Variants in SGCD observed in about 807,000 individuals in gnomAD.
The protein encoded by SGCD is delta-sarcoglycan.
SGCD carries 18 observed loss-of-function variants against 36.6 expected under a neutral mutation model. The observed-to-expected ratio is 0.49, with a 90% CI of 0.34 to 0.73. The LOEUF (loss-of-function observed/expected upper bound fraction) is 0.73, where lower values mean the gene tolerates loss of function less well. Among genes scored for constraint, SGCD ranks in the 30% least tolerant of loss-of-function variants. SGCD has a pLI of 0.01. For synonymous variants in SGCD, 133 were observed against 130.6 expected (o/e 1.02, Z -0.12); for missense variants, 387 against 346.7 (o/e 1.12, Z -0.92).
intron 3 of SGCD, among the ~76,000 whole-genome samples, chr5:156,477,177 T>C (rs13167045): frequency 6.6e-6 from 1 of 152,206 alleles, no homozygotes; most frequent in Admixed American, 6.5e-5. Context: ...CCTTTAGTAT[T>C]GTCGAGCCCC....
At chr5:156,001,087 T>C (rs765526547) in intron 1 of SGCD, among the ~76,000 whole-genome samples, 1 of 152,150 alleles carries the variant, frequency 6.6e-6, no homozygotes, top group Non-Finnish European at 1.5e-5. Flanking sequence ...CTTTGTGGGG[T>C]TGACTTCTGG....
intron 3 of SGCD, among the ~76,000 whole-genome samples, chr5:156,475,754 C>T (rs1015235908): frequency 6.6e-6 from 1 of 152,130 alleles, no homozygotes; most frequent in Non-Finnish European, 1.5e-5. Flanking sequence ...TGGTTTCAGG[C>T]CCCCCAACTC....
intron 7 of SGCD, among the ~76,000 whole-genome samples, chr5:156,727,436 C>T (rs1755834820): frequency 6.6e-6 from 1 of 152,190 alleles, no homozygotes; most frequent in Admixed American, 6.5e-5. Flanking sequence ...TGTCAATGGA[C>T]AGCCAGTGTT....
At chr5:155,757,840 A>C in the SGCD span, among the ~76,000 whole-genome samples, 2 of 152,140 alleles carry the variant, frequency 1.3e-5, no homozygotes, top group African/African-American at 4.8e-5. Context: ...CATGGAAGGT[A>C]ATTGAATCAT....
chr5:156,581,877 C>A (rs189099243), intron 4 of SGCD, among the ~76,000 whole-genome samples: 1 of 152,164 alleles, frequency 6.6e-6, no homozygotes, highest in African/African-American at 2.4e-5. Flanking sequence ...CCTGTGCTTC[C>A]CTGGTGAGGC....
intron 3 of SGCD, among the ~76,000 whole-genome samples, chr5:156,346,790 AT>A (rs869028767): frequency 2.2e-5 from 3 of 139,484 alleles, no homozygotes; most frequent in African/African-American, 5.1e-5. Flanking sequence ...TTATTTTTTT[AT>A]TTTTTTTATT....
intron 3 of SGCD, among the ~76,000 whole-genome samples, chr5:156,486,733 C>G (rs961100552): frequency 1.3e-5 from 2 of 152,178 alleles, no homozygotes; most frequent in Admixed American, 1.3e-4. Context: ...GAATAGACCC[C>G]TTTTGCCTGC....
At chr5:156,568,902 G>A (rs1012431902) in intron 4 of SGCD, among the ~76,000 whole-genome samples, 16 of 152,290 alleles carry the variant, frequency 1.1e-4, no homozygotes, top group Middle Eastern at 3.4e-3. Flanking sequence ...ATCATATCAC[G>A]TACTGTAATA....
At chr5:155,846,826 C>T in the SGCD span, among the ~76,000 whole-genome samples, 1 of 152,122 alleles carries the variant, frequency 6.6e-6, no homozygotes, top group Non-Finnish European at 1.5e-5. Flanking sequence ...ATCATATTGG[C>T]TAGTAATTAT....
intron 7 of SGCD, among the ~76,000 whole-genome samples, chr5:156,702,987 G>T (rs1581425345): frequency 2.0e-5 from 3 of 152,164 alleles, no homozygotes; most frequent in African/African-American, 7.2e-5. Context: ...CTAAGCTCTG[G>T]GTTCTGCTCC....
intron 3 of SGCD, among the ~76,000 whole-genome samples, chr5:156,241,646 A>T (rs1328702763): frequency 6.6e-6 from 1 of 152,056 alleles, no homozygotes; most frequent in Non-Finnish European, 1.5e-5. Flanking sequence ...TCCTCATCTG[A>T]GGACTTAACA....
intron 3 of SGCD, among the ~76,000 whole-genome samples, chr5:156,213,492 C>T (rs1426580496): frequency 6.6e-6 from 1 of 151,904 alleles, no homozygotes; most frequent in Non-Finnish European, 1.5e-5. Flanking sequence ...CCCACTGAAG[C>T]AAAGCTTATG....
chr5:156,622,792 T>C (rs2113504460), intron 6 of SGCD, among the ~76,000 whole-genome samples: 1 of 152,292 alleles, frequency 6.6e-6, no homozygotes, highest in African/African-American at 2.4e-5. Context: ...TCTTCATTCC[T>C]TTCCTCTGGG....
At chr5:156,594,877 C>A in intron 5 of SGCD, 55 bp from the exon 6 acceptor site, 2 of 855,756 alleles carry the variant, frequency 2.3e-6, no homozygotes, top group Non-Finnish European at 3.5e-6. Flanking sequence ...ATGGTGTTTT[C>A]TCTCTCTCTC....
intron 1 of SGCD, among the ~76,000 whole-genome samples, chr5:155,893,193 A>G (rs1756176974): frequency 7.0e-6 from 1 of 143,794 alleles, no homozygotes; most frequent in South Asian, 2.1e-4. Context: ...TTTGGTCATT[A>G]TACTATATAT....
chr5:156,370,589 T>C (rs1770329418), intron 3 of SGCD, among the ~76,000 whole-genome samples: 1 of 152,206 alleles, frequency 6.6e-6, no homozygotes, highest in African/African-American at 2.4e-5. Flanking sequence ...TCGTTTATGA[T>C]GATATTATGG....
At chr5:156,404,771 A>C (rs1450894725) in intron 3 of SGCD, among the ~76,000 whole-genome samples, 1 of 152,240 alleles carries the variant, frequency 6.6e-6, no homozygotes. Context: ...ATCCTTTAAA[A>C]TATTTTGGTA....
chr5:156,095,458 C>T (rs1165637418), intron 1 of SGCD, among the ~76,000 whole-genome samples: 1 of 152,182 alleles, frequency 6.6e-6, no homozygotes, highest in Non-Finnish European at 1.5e-5. Flanking sequence ...TTTTAACCTT[C>T]TGCTCACATA....
intron 2 of SGCD, among the ~76,000 whole-genome samples, chr5:156,334,742 TC>T (rs1768254729): frequency 6.6e-6 from 1 of 151,928 alleles, no homozygotes; most frequent in Admixed American, 6.6e-5. Flanking sequence ...ACTACCTCTT[TC>T]CACCGCTGTG....
Sources: gnomAD v4.1 joint callset for allele counts (sites outside exome capture counted in the v4.1 genomes callset) on GRCh38, gnomAD v4.1.1 for gene constraint, MANE v1.5 for transcripts, NCBI Gene and HGNC (gene_info 2026-07-23, HGNC 2026-07-21) for gene names.